Variants in POU6F2 observed in about 807,000 individuals in gnomAD.
The protein encoded by POU6F2 is POU class 6 homeobox 2, also known as POU domain, class 6, transcription factor 2.
In POU6F2, 31 loss-of-function variants were observed where a neutral mutation model predicts 71.3. That is an observed-to-expected ratio of 0.43 (90% CI 0.33 to 0.59). The LOEUF is 0.59. Ranked by LOEUF, POU6F2 falls within the 20% of genes least tolerant of loss-of-function variation. POU6F2 has a pLI of 0.04. For synonymous variants in POU6F2, 347 were observed against 355.7 expected (o/e 0.98, Z 0.27); for missense variants, 783 against 856.8 (o/e 0.91, Z 1.07).
intron 4 of POU6F2, among the ~76,000 whole-genome samples, chr7:39,335,872 C>A (rs1161114946): frequency 6.6e-6 from 1 of 152,192 alleles, no homozygotes; most frequent in Non-Finnish European, 1.5e-5. Context: ...GTTCCCAACG[C>A]CCTGCCCTGC....
At chr7:39,382,259 A>G (rs1414496594) in intron 5 of POU6F2, among the ~76,000 whole-genome samples, 1 of 152,216 alleles carries the variant, frequency 6.6e-6, no homozygotes, top group Non-Finnish European at 1.5e-5. Context: ...CCTGCCTATC[A>G]GAATGGGAAG....
At chr7:39,226,871 AT>A (rs1332213808) in intron 4 of POU6F2, among the ~76,000 whole-genome samples, 1 of 152,226 alleles carries the variant, frequency 6.6e-6, no homozygotes, top group African/African-American at 2.4e-5. Flanking sequence ...GCTGATGTGA[AT>A]TTTGAACGGG....
chr7:39,119,879 C>T (rs561925569), intron 2 of POU6F2, among the ~76,000 whole-genome samples: 123 of 152,198 alleles, frequency 8.1e-4, no homozygotes, highest in Non-Finnish European at 1.4e-3. Context: ...TGAGACAATG[C>T]GTTAAAACAA....
chr7:39,196,922 C>T (rs1456653871), intron 2 of POU6F2, among the ~76,000 whole-genome samples: 4 of 152,280 alleles, frequency 2.6e-5, no homozygotes, highest in East Asian at 1.9e-4. Context: ...TCAGTGGAAT[C>T]GGCAGCGAGC....
chr7:39,340,924 TCC>T (rs1785905178), intron 5 of POU6F2, among the ~76,000 whole-genome samples: 1 of 152,214 alleles, frequency 6.6e-6, no homozygotes, highest in Non-Finnish European at 1.5e-5. Context: ...ATGACATTTT[TCC>T]CTGTGAGATT....
intron 5 of POU6F2, among the ~76,000 whole-genome samples, chr7:39,364,273 T>A (rs947334960): frequency 1.3e-5 from 2 of 152,000 alleles, no homozygotes; most frequent in African/African-American, 4.8e-5. Context: ...TTTTTTTTTT[T>A]TTATTTCCAT....
intron 5 of POU6F2, among the ~76,000 whole-genome samples, chr7:39,354,517 G>A (rs1299455838): frequency 6.6e-6 from 1 of 152,166 alleles, no homozygotes; most frequent in Non-Finnish European, 1.5e-5. Context: ...ATATGGTCCT[G>A]GTGTTCTAAT....
At chr7:39,272,511 A>G (rs1784359704) in intron 4 of POU6F2, among the ~76,000 whole-genome samples, 1 of 152,132 alleles carries the variant, frequency 6.6e-6, no homozygotes, top group Non-Finnish European at 1.5e-5. Context: ...ATGTTAGCTG[A>G]AAAAAAACAA....
At chr7:39,407,610 A>G (rs1239009019) in intron 6 of POU6F2, among the ~76,000 whole-genome samples, 2 of 151,822 alleles carry the variant, frequency 1.3e-5, no homozygotes, top group African/African-American at 4.8e-5. Context: ...AGGGAGAAGG[A>G]GCTAGCATTC....
intron 6 of POU6F2, among the ~76,000 whole-genome samples, chr7:39,416,717 T>C (rs1022708505): frequency 6.6e-6 from 1 of 152,122 alleles, no homozygotes; most frequent in African/African-American, 2.4e-5. Context: ...ACACTTAAAG[T>C]CATACCAGTG....
rs1789914184 is a variant in POU6F2, at chr7:39,030,524, A to C, written c.105+52466A>C. ...ACTATATATATATATATATATATAT[A>C]TATATATATATATATATATACACAC... On this transcript the variant is annotated intron_variant, in intron 1 of 9. Transcript: ENST00000518318. Among the ~76,000 whole-genome samples, 3 of 120,116 alleles carry C rather than the reference A, an allele frequency of 2.5e-5. No individual in the cohort carries two copies. The Admixed American group carries it at 2.6e-4, about 10-fold the overall frequency. The allele number at this position is 120,116 out of a possible 152,430, so 78.8% of individuals were successfully genotyped here. A position where few individuals can be genotyped will look rare whatever the true frequency, so the allele number is the denominator to read the frequency against.
At chr7:39,346,386 A>AT (rs1348090542) in intron 5 of POU6F2, among the ~76,000 whole-genome samples, 6 of 152,212 alleles carry the variant, frequency 3.9e-5, no homozygotes, top group Non-Finnish European at 1.5e-5. Context: ...GCGATAGATG[A>AT]TGAGGGTGCC....
chr7:39,268,118 T>C (rs1041400994), intron 4 of POU6F2, among the ~76,000 whole-genome samples: 3 of 152,188 alleles, frequency 2.0e-5, no homozygotes, highest in African/African-American at 7.2e-5. Flanking sequence ...TAATACACCA[T>C]GTTTTTATGT....
intron 1 of POU6F2, among the ~76,000 whole-genome samples, chr7:39,007,923 T>C (rs1789132242): frequency 6.6e-6 from 1 of 151,624 alleles, no homozygotes; most frequent in South Asian, 2.1e-4. Context: ...ATCCAGTCTA[T>C]CATTGTTGGA....
chr7:39,015,340 A>G (rs960494907), intron 1 of POU6F2, among the ~76,000 whole-genome samples: 1 of 135,174 alleles, frequency 7.4e-6, no homozygotes, highest in Non-Finnish European at 1.5e-5. Flanking sequence ...ATATTATAAT[A>G]TATAATAATA....
intron 2 of POU6F2, among the ~76,000 whole-genome samples, chr7:39,118,335 A>T (rs1034635697): frequency 6.6e-6 from 1 of 152,186 alleles, no homozygotes; most frequent in African/African-American, 2.4e-5. Flanking sequence ...AATATGAAAG[A>T]TAGATAATAA....
chr7:39,196,076 CA>C (rs1400040874), intron 2 of POU6F2, among the ~76,000 whole-genome samples: 1 of 152,102 alleles, frequency 6.6e-6, no homozygotes, highest in African/African-American at 2.4e-5. Context: ...AAAACTAGGC[CA>C]ATTACACTGC....
At chr7:39,132,186 T>C (rs1450271695) in intron 2 of POU6F2, among the ~76,000 whole-genome samples, 2 of 152,194 alleles carry the variant, frequency 1.3e-5, no homozygotes, top group Non-Finnish European at 2.9e-5. Flanking sequence ...TAGTTCCAGA[T>C]CAAATGTAAT....
At position 39,204,308 on chromosome 7, in the gene POU6F2, A is replaced by G. The variant is rs1462423912; in HGVS notation, c.351A>G (p.Pro117=). 3 of 1,613,294 alleles carry G rather than the reference A, an allele frequency of 1.9e-6. No individual in the cohort carries two copies. The highest frequency in any genetic ancestry group is 3.3e-5 in the Admixed American group (2 of 59,970). ...ACCAGGCCAGTCAGACCCACCCCCC[A>G]TTTCCAGTTGGGCCACAGGTCAGTA... is the stretch of plus-strand genomic sequence containing the variant. ...DQHQASQTHP[P]FPVGPQPLLT... is the part of the protein sequence containing the mutation. Residue 117 remains proline (P), a synonymous_variant, in exon 3 of 10, where the codon CCA becomes CCG. Coordinates refer to ENST00000518318, the MANE Select transcript of POU6F2 (RefSeq NM_001370959.1).
Sources: gnomAD v4.1 joint callset for allele counts (sites outside exome capture counted in the v4.1 genomes callset) on GRCh38, gnomAD v4.1.1 for gene constraint, MANE v1.5 for transcripts, NCBI Gene and HGNC (gene_info 2026-07-23, HGNC 2026-07-21) for gene names.